Variants in TCOF1 observed in about 807,000 individuals in gnomAD.
TCOF1 encodes the protein treacle protein.
A neutral mutation model predicts 149.0 loss-of-function variants in TCOF1; 33 were observed. The ratio of observed to expected loss-of-function variants is 0.22; its 90% CI spans 0.17 to 0.30. TCOF1 has a LOEUF of 0.30. Among genes scored for constraint, TCOF1 ranks in the 10% least tolerant of loss-of-function variants. The pLI is 1.00. For synonymous variants in TCOF1, 789 were observed against 738.8 expected, an observed-to-expected ratio of 1.07 and a Z score of -1.10; for missense variants, 1,728 against 1,840.7, an observed-to-expected ratio of 0.94 and a Z score of 1.12.
chr5:150,373,662 TC>T (rs1763039523), intron 7 of TCOF1, among the ~76,000 whole-genome samples: 1 of 152,174 alleles, frequency 6.6e-6, no homozygotes, highest in African/African-American at 2.4e-5. Flanking sequence ...CCTGCTGCTG[TC>T]CATGTGCAGA....
intron 17 of TCOF1, among the ~76,000 whole-genome samples, chr5:150,381,923 C>T (rs1444916764): frequency 6.6e-6 from 1 of 152,146 alleles, no homozygotes; most frequent in Admixed American, 6.5e-5. Context: ...AGGCCAGGCA[C>T]GGTGGCTCAC....
intron 1 of TCOF1, among the ~76,000 whole-genome samples, chr5:150,360,493 T>C (rs577803516): frequency 6.6e-6 from 1 of 152,288 alleles, no homozygotes; most frequent in East Asian, 1.9e-4. Flanking sequence ...GCCACGTCTT[T>C]GAAAGCTTTT....
chr5:150,387,059 CG>C (rs1423753742), intron 17 of TCOF1, among the ~76,000 whole-genome samples: 2 of 152,366 alleles, frequency 1.3e-5, no homozygotes, highest in East Asian at 3.9e-4. Context: ...AGTTCCCCAA[CG>C]CCCCTGGATT....
At chr5:150,365,750 G>A (rs1362135439) in intron 3 of TCOF1, among the ~76,000 whole-genome samples, 1 of 151,886 alleles carries the variant, frequency 6.6e-6, no homozygotes, top group Non-Finnish European at 1.5e-5. Flanking sequence ...ATGTTGCCTA[G>A]ACTGGCCTTG....
At position 150,376,538 on chromosome 5, in the gene TCOF1, A is replaced by T. The variant is rs768289762; in HGVS notation, c.2258A>T (p.Gln753Leu). ...GGGAAGACGGGGCCTACAGTCACCC[A>T]GGTGAAAGCTGAAAAGCAGGAAGAC... Reference protein sequence around the residue: ...LPGKTGPTVTQVKAEKQEDSE... With the variant: ...LPGKTGPTVTLVKAEKQEDSE... The change falls in exon 14 of 27, where the codon CAG (glutamine) becomes CTG (leucine). Residue 753 changes from glutamine (Q) to leucine (L), a missense_variant. Transcript: ENST00000643257. 2 of 1,609,346 alleles carry T rather than the reference A, an allele frequency of 1.2e-6. No individual in the cohort carries two copies. The highest frequency in any genetic ancestry group is 1.7e-6 in the Non-Finnish European group (2 of 1,177,724).
intron 4 of TCOF1, chr5:150,368,502 T>A (rs577825253): frequency 1.7e-6 from 1 of 589,854 alleles, no homozygotes; most frequent in South Asian, 2.0e-5. Flanking sequence ...ATAACTACCA[T>A]GTCCCAAGAA....
At chr5:150,376,876 C>G (rs1763928802) in intron 14 of TCOF1, among the ~76,000 whole-genome samples, 1 of 152,224 alleles carries the variant, frequency 6.6e-6, no homozygotes, top group Admixed American at 6.5e-5. Context: ...GGAGTTCCCA[C>G]CCTGCCAGGT....
intron 3 of TCOF1, chr5:150,367,454 C>T (rs1761608551): frequency 1.7e-5 from 4 of 239,972 alleles, no homozygotes; most frequent in Admixed American, 4.9e-5. Flanking sequence ...TGACCACTGC[C>T]CCTTCTTGCC....
intron 4 of TCOF1, chr5:150,368,150 A>G: frequency 1.9e-6 from 1 of 530,944 alleles, no homozygotes; most frequent in South Asian, 2.1e-5. Context: ...GGCACATTCT[A>G]CACCTGGGGT....
At chr5:150,393,258 G>C in intron 22 of TCOF1, 114 bp from the exon 23 acceptor site, 1 of 1,304,984 alleles carries the variant, frequency 7.7e-7, no homozygotes, top group South Asian at 1.2e-5. Context: ...CACTGATAGG[G>C]CAGGGTGATC....
intron 17 of TCOF1, among the ~76,000 whole-genome samples, chr5:150,386,755 G>A (rs1766384599): frequency 6.6e-6 from 1 of 152,210 alleles, no homozygotes; most frequent in Non-Finnish European, 1.5e-5. Flanking sequence ...GACCTGACCA[G>A]CTCCCTGGCT....
At chr5:150,378,786 C>G in intron 14 of TCOF1, 119 bp from the exon 15 acceptor site, 1 of 1,428,860 alleles carries the variant, frequency 7.0e-7, no homozygotes, top group Non-Finnish European at 9.8e-7. Context: ...GGTTCACACG[C>G]CTATTGCATG....
At chr5:150,362,257 G>A (rs1438995303) in intron 2 of TCOF1, among the ~76,000 whole-genome samples, 1 of 152,170 alleles carries the variant, frequency 6.6e-6, no homozygotes, top group Non-Finnish European at 1.5e-5. Flanking sequence ...CTTCAAGGAA[G>A]GGGGAATCAT....
Position 150,379,248 on chromosome 5 carries a change from A to G in TCOF1, c.2498A>G (p.Asn833Ser). 6.2e-7 allele frequency: 1 copy of G among 1,613,796 alleles called. No individual in the cohort carries two copies. The highest frequency in any genetic ancestry group is 8.5e-7 in the Non-Finnish European group (1 of 1,179,946). The change falls in exon 16 of 27, where the codon AAC (asparagine) becomes AGC (serine). Residue 833 changes from asparagine to serine, a missense_variant. Asn to Ser is a conservative substitution (Grantham distance 46). This residue lies in a region of TCOF1 where 1,696 missense variants were observed against 1,765.4 expected (regional missense o/e 0.96). Transcript: ENST00000643257. Reference sequence around the variant, plus strand: ...ATTCAGGTGAAGCCACCAGTGAGAAACCCCCAGAACAGTACCGTCTTGGCG... The same window carrying G: ...ATTCAGGTGAAGCCACCAGTGAGAAGCCCCCAGAACAGTACCGTCTTGGCG... ...SPSKVKPPVR[N>S]PQNSTVLARG...
chr5:150,392,169 C>T lies in TCOF1; in HGVS notation c.3510C>T (p.His1170=), dbSNP rs116354094. The T allele has an allele frequency of 1.0e-3, 1,659 of 1,613,852 alleles. 6 individuals are homozygous for T. The African/African-American group carries it at 0.019, about 18-fold the overall frequency. The part of the protein sequence containing the change: ...GEGPQGAKSA[H]TLVGPTPSRT... ...GGCCCCAGGGGGCCAAGTCAGCCCA[C>T]ACGCTGGGTGAGGGTGCCAGGGGAA... Residue 1170 remains histidine (H), a synonymous_variant, in exon 21 of 27, where the codon CAC becomes CAT. Coordinates refer to ENST00000643257, the MANE Select transcript of TCOF1 (RefSeq NM_001371623.1).
chr5:150,381,764 G>A (rs1229811352), intron 17 of TCOF1, among the ~76,000 whole-genome samples: 8 of 152,240 alleles, frequency 5.3e-5, no homozygotes, highest in African/African-American at 1.9e-4. Flanking sequence ...GGGATTGACT[G>A]TCTTAAAGTG....
chr5:150,376,692 T>C, intron 14 of TCOF1, 72 bp downstream of exon 14: 1 of 1,484,992 alleles, frequency 6.7e-7, no homozygotes, highest in Non-Finnish European at 9.2e-7. Context: ...TGGGCTTGAC[T>C]GGGGGCTAGT....
chr5:150,387,754 A>C (rs1581183430), intron 17 of TCOF1, 148 bp from the exon 18 acceptor site: 1 of 1,065,616 alleles, frequency 9.4e-7, no homozygotes, highest in Non-Finnish European at 1.4e-6. Context: ...GGGAGGGGGC[A>C]CCCTGGGCAG....
In TCOF1 at chr5:150,396,436, G is replaced by C; in HGVS notation, c.3939G>C (p.Gln1313His). Residue 1313 changes from glutamine (Q) to histidine (H), a missense_variant, in exon 24 of 27, where the codon CAG becomes CAC. Gln to His is a conservative substitution (Grantham distance 24). Coordinates refer to ENST00000643257, the MANE Select transcript of TCOF1 (RefSeq NM_001371623.1). The part of the protein sequence containing the change: ...QPWPLNEAQV[Q>H]ASVVKVLTEL... ...GGCCCCTGAATGAGGCCCAGGTGCA[G>C]GCCTCAGTGGTGAAGGTCCTGACTG... 6.2e-7 allele frequency: 1 copy of C among 1,614,072 alleles called. No individual in the cohort carries two copies. The highest frequency in any genetic ancestry group is 8.5e-7 in the Non-Finnish European group (1 of 1,180,018).
Sources: gnomAD v4.1 joint callset for allele counts (sites outside exome capture counted in the v4.1 genomes callset) on GRCh38, gnomAD v4.1.1 for gene constraint, gnomAD v4.1.1 regional missense constraint, MANE v1.5 for transcripts, NCBI Gene and HGNC (gene_info 2026-07-23, HGNC 2026-07-21) for gene names.